Variants in ARHGAP6 observed in about 807,000 individuals in gnomAD.
The protein encoded by ARHGAP6 is Rho GTPase activating protein 6, also known as rho GTPase-activating protein 6.
Under a neutral mutation model 55.7 loss-of-function variants are expected in ARHGAP6, and 16 were observed. The ratio of observed to expected loss-of-function variants is 0.29; its 90% CI spans 0.19 to 0.44. The LOEUF is 0.44. Among genes scored for constraint, ARHGAP6 ranks in the 20% least tolerant of loss-of-function variants. The pLI, the probability that ARHGAP6 is intolerant of heterozygous loss-of-function variation, is 1.00. For synonymous variants in ARHGAP6, 382 were observed against 360.9 expected (o/e 1.06, Z -0.66); for missense variants, 698 against 808.9 (o/e 0.86, Z 1.66).
chrX:11,140,439 A>G (rs758853972), intron 12 of ARHGAP6, among the ~76,000 whole-genome samples: 297 of 107,180 alleles, frequency 2.8e-3, no homozygotes, highest in Non-Finnish European at 4.5e-3. Flanking sequence ...AAAAAATTAA[A>G]AAAAAAAAAC....
chrX:11,572,444 T>A (rs1292888775), intron 1 of ARHGAP6, among the ~76,000 whole-genome samples: 41 of 110,584 alleles, frequency 3.7e-4, no homozygotes, highest in Non-Finnish European at 6.8e-4. Flanking sequence ...AGGTGTTTGG[T>A]TTTTTGTTCT....
chrX:11,171,038 A>G (rs184631073), intron 8 of ARHGAP6, among the ~76,000 whole-genome samples: 1 of 111,624 alleles, frequency 9.0e-6, no homozygotes, highest in African/African-American at 3.3e-5. Flanking sequence ...ACAGTTGCAG[A>G]AGTGGAAACA....
chrX:11,356,184 G>A (rs1451053162), intron 1 of ARHGAP6, among the ~76,000 whole-genome samples: 1 of 109,719 alleles, frequency 9.1e-6, no homozygotes, highest in Admixed American at 9.9e-5. Flanking sequence ...CACACCACAT[G>A]TTCTCACTCA....
chrX:11,609,968 C>T (rs2052082822), intron 1 of ARHGAP6, among the ~76,000 whole-genome samples: 1 of 111,246 alleles, frequency 9.0e-6, no homozygotes. Context: ...AGACTGCTTA[C>T]ACTGTTGCTA....
intron 1 of ARHGAP6, among the ~76,000 whole-genome samples, chrX:11,607,148 A>T (rs2052044951): frequency 1.8e-5 from 2 of 112,329 alleles, no homozygotes; most frequent in African/African-American, 3.2e-5. Context: ...TGTATATAAT[A>T]ATCTGTATGA....
intron 2 of ARHGAP6, among the ~76,000 whole-genome samples, chrX:11,210,762 T>C (rs751367220): frequency 1.7e-4 from 19 of 112,533 alleles, no homozygotes; most frequent in Non-Finnish European, 3.2e-4. Flanking sequence ...TAAATATCAT[T>C]ACAAACAATG....
intron 2 of ARHGAP6, among the ~76,000 whole-genome samples, chrX:11,236,942 C>T (rs756210439): frequency 8.9e-6 from 1 of 112,394 alleles, no homozygotes; most frequent in South Asian, 3.7e-4. Flanking sequence ...GTTCAGGGCT[C>T]TCCTATCCAG....
intron 1 of ARHGAP6, among the ~76,000 whole-genome samples, chrX:11,561,463 T>C (rs4830739): frequency 0.092 from 10,227 of 111,491 alleles, 517 homozygotes; most frequent in East Asian, 0.19. Context: ...TGGAAATGTA[T>C]GCAAGACATT....
At chrX:11,375,593 T>C (rs2049191778) in intron 1 of ARHGAP6, among the ~76,000 whole-genome samples, 1 of 112,057 alleles carries the variant, frequency 8.9e-6, no homozygotes, top group Non-Finnish European at 1.9e-5. Flanking sequence ...TCCAAAAGGT[T>C]CAAGTTTGGC....
intron 2 of ARHGAP6, among the ~76,000 whole-genome samples, chrX:11,216,586 G>T (rs757813833): frequency 2.6e-4 from 29 of 112,345 alleles, no homozygotes; most frequent in Non-Finnish European, 5.1e-4. Flanking sequence ...CTGGGAGGCA[G>T]AGAAGTCAGC....
intron 2 of ARHGAP6, among the ~76,000 whole-genome samples, chrX:11,250,159 C>A (rs926517365): frequency 5.4e-5 from 6 of 111,854 alleles, no homozygotes; most frequent in African/African-American, 1.9e-4. Flanking sequence ...ATCTCTTTAT[C>A]AGATTTCCCC....
At chrX:11,636,211 G>A (rs756498712) in intron 1 of ARHGAP6, among the ~76,000 whole-genome samples, 5 of 111,041 alleles carry the variant, frequency 4.5e-5, no homozygotes, top group Non-Finnish European at 9.5e-5. Context: ...CTACAATTTT[G>A]ACAACAAATT....
chrX:11,598,049 G>A (rs1174371968), intron 1 of ARHGAP6, among the ~76,000 whole-genome samples: 2 of 112,265 alleles, frequency 1.8e-5, no homozygotes, highest in Non-Finnish European at 3.8e-5. Flanking sequence ...ACAGGTCTTG[G>A]TGTGATCTCA....
intron 2 of ARHGAP6, among the ~76,000 whole-genome samples, chrX:11,244,091 TTAC>T (rs1379824616): frequency 5.3e-5 from 6 of 112,157 alleles, no homozygotes; most frequent in Non-Finnish European, 1.1e-4. Flanking sequence ...AAGCACACAA[TTAC>T]TACATCATGA....
chrX:11,360,344 G>T (rs1315029118), intron 1 of ARHGAP6, among the ~76,000 whole-genome samples: 2 of 110,779 alleles, frequency 1.8e-5, no homozygotes, highest in African/African-American at 6.6e-5. Context: ...ATGCAAGGCT[G>T]GTTCAATATA....
intron 1 of ARHGAP6, among the ~76,000 whole-genome samples, chrX:11,304,425 T>C (rs1452329005): frequency 6.3e-5 from 7 of 110,991 alleles, no homozygotes; most frequent in Non-Finnish European, 1.3e-4. Context: ...ACTCTGACAG[T>C]GTAGCCACCT....
intron 1 of ARHGAP6, among the ~76,000 whole-genome samples, chrX:11,606,049 G>C (rs1295088660): frequency 9.0e-6 from 1 of 111,577 alleles, no homozygotes; most frequent in Non-Finnish European, 1.9e-5. Context: ...AGGAAGGAAA[G>C]AAATTATGCA....
chrX:11,209,777 A>G (rs1342244986), intron 2 of ARHGAP6, among the ~76,000 whole-genome samples: 1 of 111,822 alleles, frequency 8.9e-6, no homozygotes, highest in Non-Finnish European at 1.9e-5. Context: ...TCCTGAAATA[A>G]TTGTGAGTGG....
At chrX:11,195,330 C>T (rs1026637058) in intron 3 of ARHGAP6, among the ~76,000 whole-genome samples, 7 of 106,354 alleles carry the variant, frequency 6.6e-5, no homozygotes, top group Non-Finnish European at 1.2e-4. Context: ...CCAGCCTGGG[C>T]GACAGGGCAA....
Sources: allele counts gnomAD v4.1 joint callset (sites outside exome capture counted in the v4.1 genomes callset), GRCh38; gene constraint gnomAD v4.1.1; transcripts MANE v1.5; gene names NCBI Gene and HGNC (gene_info 2026-07-23, HGNC 2026-07-21).